Variants in AMZ1 observed in about 807,000 individuals in gnomAD.
AMZ1 encodes archaelysin family metallopeptidase 1.
Under a neutral mutation model 29.9 loss-of-function variants are expected in AMZ1, and 39 were observed. The ratio of observed to expected loss-of-function variants is 1.30; its 90% confidence interval spans 1.01 to 1.70. AMZ1 has a LOEUF of 1.70. AMZ1 is among the 40% of genes most tolerant of loss of function. AMZ1 has a pLI of 0.00. For missense variants in AMZ1, 1,041 were observed against 680.6 expected, an observed-to-expected ratio of 1.53 and a Z score of -5.89; for synonymous variants, 458 against 304.0, an observed-to-expected ratio of 1.51 and a Z score of -5.27.
At chr7:2,698,257 A>G (rs1315546463) in intron 1 of AMZ1, among the ~76,000 whole-genome samples, 1 of 151,922 alleles carries the variant, frequency 6.6e-6, no homozygotes, top group Non-Finnish European at 1.5e-5. Context: ...AAAAAAACCA[A>G]ACAGGCGTGG....
intron 4 of AMZ1, among the ~76,000 whole-genome samples, chr7:2,756,641 G>A (rs749158601): frequency 6.7e-6 from 1 of 149,576 alleles, no homozygotes; most frequent in Non-Finnish European, 1.5e-5. Context: ...ACATAGGAGA[G>A]GATCTGTGTG....
Position 2,702,716 on chromosome 7 carries a change from C to A in AMZ1, c.305-6C>A. The A allele has an allele frequency of 2.0e-6, 3 of 1,531,196 alleles. No individual in the cohort carries two copies. Among genetic ancestry groups the A allele is most frequent in the Non-Finnish European group, 2.6e-6 (3 of 1,141,250 alleles). The allele number at this position is 1,531,196 out of a possible 1,614,324, so 94.9% of individuals were successfully genotyped here. On this transcript the variant is annotated splice_region_variant and splice_polypyrimidine_tract_variant and intron_variant, in intron 2 of 6. Coordinates refer to ENST00000683327, the MANE Select transcript of AMZ1 (RefSeq NM_001384743.1). ...CGCAGGGCTGACGGTGCTGCTCTCC[C>A]ACCAGACCTGAGCGAGGAGCCGGTG...
At chr7:2,708,777 G>A (rs533581266) in intron 4 of AMZ1, 61 bp downstream of exon 4, 27 of 1,606,048 alleles carry the variant, frequency 1.7e-5, no homozygotes, top group Middle Eastern at 2.1e-4. Flanking sequence ...TGTGGCCTCC[G>A]TGGCTGCAGG....
chr7:2,748,223 C>G (rs1790862075), intron 4 of AMZ1, among the ~76,000 whole-genome samples: 1 of 151,204 alleles, frequency 6.6e-6, no homozygotes, highest in Non-Finnish European at 1.5e-5. Flanking sequence ...GCCAAAAGAA[C>G]AAAGCTGGAG....
chr7:2,731,118 C>A lies in AMZ1; in HGVS notation n.550+21302C>A, dbSNP rs1789865750. On this transcript the variant is annotated intron_variant and non_coding_transcript_variant, in intron 4 of 4. Coordinates refer to the AMZ1 transcript ENST00000489665. The surrounding 1 kb of genome is among the most constrained non-coding windows in gnomAD (Gnocchi z 6.0). ...CAAGGACCACACAGACAACACACAC[C>A]CAAGAGTCTGACCGACAGCCGTGGG... 10 of 1,126,508 alleles carry A rather than the reference C, an allele frequency of 8.9e-6. No homozygotes were observed. Among genetic ancestry groups the A allele is most frequent in the Admixed American group, 1.9e-5 (1 of 52,576 alleles). The allele number at this position is 1,126,508 out of a possible 1,614,324, so 69.8% of individuals were successfully genotyped here.
chr7:2,689,379 G>C (rs879359451), intron 1 of AMZ1, among the ~76,000 whole-genome samples: 1 of 151,992 alleles, frequency 6.6e-6, no homozygotes, highest in Non-Finnish European at 1.5e-5. Flanking sequence ...CTGGGGGGGG[G>C]ATGCGGACGT....
At chr7:2,750,672 A>G (rs972444913) in intron 4 of AMZ1, among the ~76,000 whole-genome samples, 6 of 152,212 alleles carry the variant, frequency 3.9e-5, no homozygotes, top group African/African-American at 1.2e-4. Flanking sequence ...AACTGAAACC[A>G]TGGAAGGTGA....
At chr7:2,728,558 C>T (rs1789726150) in intron 4 of AMZ1, 1 of 152,466 alleles carries the variant, frequency 6.6e-6, no homozygotes, top group Non-Finnish European at 1.5e-5. Flanking sequence ...AGGAACAGAT[C>T]TTATTTTGAG....
intron 4 of AMZ1, among the ~76,000 whole-genome samples, chr7:2,754,734 G>A (rs1791209896): frequency 6.6e-6 from 1 of 152,174 alleles, no homozygotes; most frequent in Non-Finnish European, 1.5e-5. Context: ...GAGCAACAGA[G>A]TGAGACCCTG....
intron 1 of AMZ1, among the ~76,000 whole-genome samples, chr7:2,688,908 AAGGACAGGGG>A (rs1787216798): frequency 6.6e-6 from 1 of 152,252 alleles, no homozygotes; most frequent in African/African-American, 2.4e-5. Context: ...AAACTTTACA[AAGGACAGGGG>A]AGGGCAGGGA....
At position 2,714,631 on chromosome 7, in the gene AMZ1, C is replaced by CT. The variant is rs1237074509; in HGVS notation, c.*1755dup. 2 of 152,194 alleles carry CT rather than the reference C, an allele frequency of 1.3e-5. No individual in the cohort carries two copies. Among genetic ancestry groups the CT allele is most frequent in the African/African-American group, 4.8e-5 (2 of 41,450 alleles). 9.4% of individuals were successfully genotyped at this position (152,194 alleles called of 1,614,324 possible). ...CAAACAACCACCCAAAACTTAGTGG[C>CT]TTAAAATCACCACAGTCTAGCTCAT... On this transcript the variant is annotated 3_prime_UTR_variant, in exon 7 of 7. Transcript: ENST00000683327.
At chr7:2,689,046 C>T (rs534505574) in intron 1 of AMZ1, among the ~76,000 whole-genome samples, 2 of 152,340 alleles carry the variant, frequency 1.3e-5, no homozygotes, top group South Asian at 4.1e-4. Context: ...ACTACCCCTG[C>T]GGTCTAAGCC....
intron 4 of AMZ1, 103 bp downstream of exon 4, chr7:2,708,819 C>T: frequency 6.4e-7 from 1 of 1,551,822 alleles, no homozygotes; most frequent in Non-Finnish European, 8.8e-7. Context: ...CAAGCACCCT[C>T]CTGGTGGAAG....
At position 2,731,403 on chromosome 7, in the gene AMZ1, C is replaced by A. The variant is rs751753980; in HGVS notation, n.550+21587C>A. 1.2e-6 allele frequency: 2 copies of A among 1,613,112 alleles called. No individual in the cohort carries two copies. Among genetic ancestry groups the A allele is most frequent in the Non-Finnish European group, 1.7e-6 (2 of 1,179,292 alleles). ...AGTCCGGGAAGTGCTTCTTGATGCT[C>A]ACGGTCTTCACCTTCTCCACCAGGA... On this transcript the variant is annotated intron_variant and non_coding_transcript_variant, in intron 4 of 4. Transcript: ENST00000489665. This position sits in a 1 kb window ranked among gnomAD's most constrained non-coding sequence, Gnocchi z 6.0.
intron 1 of AMZ1, among the ~76,000 whole-genome samples, chr7:2,688,637 G>C (rs1165657859): frequency 6.6e-6 from 1 of 152,162 alleles, no homozygotes; most frequent in East Asian, 1.9e-4. Flanking sequence ...GGGACGGGTC[G>C]GGAATCCAGG....
rs7788812 is a variant in AMZ1 at position 2,702,703 on chromosome 7, G to A, written c.305-19G>A. ...CGGGCAGGGGCGTCGCAGGGCTGACGGTGCTGCTCTCCCACCAGACCTGAG... is the reference window on the plus strand; with the variant it reads ...CGGGCAGGGGCGTCGCAGGGCTGACAGTGCTGCTCTCCCACCAGACCTGAG... On this transcript the variant is annotated intron_variant, in intron 2 of 6. Coordinates refer to ENST00000683327, the MANE Select transcript of AMZ1 (RefSeq NM_001384743.1). 3.4e-5 allele frequency: 51 copies of A among 1,514,318 alleles called. No individual in the cohort carries two copies. In the Middle Eastern group the frequency reaches 6.6e-4, roughly 20 times the overall value. The allele number at this position is 1,514,318 out of a possible 1,614,324, so 93.8% of individuals were successfully genotyped here. A position where few individuals can be genotyped will look rare whatever the true frequency, so the allele number is the denominator to read the frequency against.
intron 4 of AMZ1, chr7:2,733,497 TC>T: frequency 6.2e-7 from 1 of 1,612,852 alleles, no homozygotes; most frequent in Non-Finnish European, 8.5e-7. Flanking sequence ...CTTCACCGAC[TC>T]CCCCTGTCAG....
chr7:2,683,512 A>G (rs1583129273), upstream of AMZ1, among the ~76,000 whole-genome samples: 1 of 151,918 alleles, frequency 6.6e-6, no homozygotes, highest in South Asian at 2.1e-4. Flanking sequence ...ATCTCGGCTC[A>G]CTGCAAGCTC....
In AMZ1 at chr7:2,709,169, C is replaced by A. The variant is rs58726146; in HGVS notation, c.696C>A (p.Asp232Glu). ...TGGCCCTGGTAGAGGCAGCAGCAGA[C>A]GGCCCCGAGGCCCCCCTGCAGGACA... ...PDLALVEAAA[D>E]GPEAPLQDRG... Residue 232 changes from aspartate (D) to glutamate (E), a missense_variant, in exon 5 of 7, where the codon GAC becomes GAA. Coordinates refer to ENST00000683327, the MANE Select transcript of AMZ1 (RefSeq NM_001384743.1). 4 of 1,555,810 alleles carry A rather than the reference C, an allele frequency of 2.6e-6. No individual in the cohort carries two copies. The highest frequency in any genetic ancestry group is 2.8e-5 in the African/African-American group (2 of 72,578).
Sources: gnomAD v4.1 joint callset for allele counts (sites outside exome capture counted in the v4.1 genomes callset) on GRCh38, gnomAD v4.1.1 for gene constraint, Gnocchi (gnomAD v3.1) non-coding constraint, MANE v1.5 for transcripts, NCBI Gene and HGNC (gene_info 2026-07-23, HGNC 2026-07-21) for gene names.